ANKRD55: variants seen among roughly 807,000 people sequenced by gnomAD.
ANKRD55 encodes the protein ankyrin repeat domain-containing protein 55.
A neutral mutation model predicts 60.6 loss-of-function variants in ANKRD55; 41 were observed. That is an observed-to-expected ratio of 0.68 (90% CI 0.53 to 0.88). The LOEUF is 0.88. Among genes scored for constraint, ANKRD55 ranks in the 40% least tolerant of loss-of-function variants. The pLI, the probability that ANKRD55 is intolerant of heterozygous loss-of-function variation, is 0.00. For missense variants in ANKRD55, 732 were observed against 767.6 expected (o/e 0.95, Z 0.55); for synonymous variants, 264 against 290.3 (o/e 0.91, Z 0.92).
chr5:56,100,414 T>A, intron 11 of ANKRD55, 110 bp from the exon 12 acceptor site: 1 of 1,343,156 alleles, frequency 7.4e-7, no homozygotes, highest in Non-Finnish European at 1.0e-6. Flanking sequence ...AAGAAGTGTG[T>A]CTTGGTGAGA....
rs113294689 is a variant in ANKRD55 at position 56,100,405 on chromosome 5, A to C, written c.1724-101T>G. ...TGTTTTAGGAGTCGAGGCATTTCTA[A>C]GAAGTGTGTCTTGGTGAGAGCTAGA... On this transcript the variant is annotated intron_variant, in intron 11 of 11. Transcript: ENST00000341048. 17 of 1,440,658 alleles carry C rather than the reference A, an allele frequency of 1.2e-5. No individual in the cohort carries two copies. In the African/African-American group the frequency reaches 1.4e-4, roughly 12 times the overall value. The allele number at this position is 1,440,658 out of a possible 1,614,324, so 89.2% of individuals were successfully genotyped here.
At chr5:56,161,971 C>A (rs2111797039) in intron 5 of ANKRD55, 2 of 985,384 alleles carry the variant, frequency 2.0e-6, no homozygotes, top group South Asian at 4.7e-5. Context: ...TGAGTGGGGG[C>A]AGGGCTTACC....
At chr5:56,168,711 C>G (rs1487890378) in intron 5 of ANKRD55, among the ~76,000 whole-genome samples, 2 of 152,162 alleles carry the variant, frequency 1.3e-5, no homozygotes, top group Non-Finnish European at 2.9e-5. Context: ...CTGTTCTCCT[C>G]TTTCCCCATC....
intron 2 of ANKRD55, among the ~76,000 whole-genome samples, chr5:56,198,297 C>T (rs774828200): frequency 4.8e-5 from 7 of 144,388 alleles, no homozygotes; most frequent in Non-Finnish European, 1.0e-4. Flanking sequence ...ATTATTATTA[C>T]TGTTTTTTTT....
At chr5:56,223,572 A>G (rs983345621) in intron 2 of ANKRD55, among the ~76,000 whole-genome samples, 1 of 152,258 alleles carries the variant, frequency 6.6e-6, no homozygotes, top group African/African-American at 2.4e-5. Flanking sequence ...TTGGATAAAG[A>G]GTCAAGACCC....
intron 1 of ANKRD55, 45 bp downstream of exon 1, chr5:56,233,196 T>G (rs1760298988): frequency 2.6e-6 from 1 of 381,898 alleles, no homozygotes; most frequent in East Asian, 4.5e-5. Context: ...ATAAACACAA[T>G]TACTCAAACT....
At chr5:56,107,181 C>G (rs532439483) in intron 10 of ANKRD55, among the ~76,000 whole-genome samples, 19 of 152,268 alleles carry the variant, frequency 1.2e-4, no homozygotes, top group African/African-American at 3.6e-4. Flanking sequence ...GTTGCAGAAG[C>G]ATTTTAGTAA....
chr5:56,171,349 C>T (rs1046957379), intron 4 of ANKRD55, among the ~76,000 whole-genome samples: 3 of 152,158 alleles, frequency 2.0e-5, no homozygotes, highest in Non-Finnish European at 4.4e-5. Flanking sequence ...ATGTTTTATC[C>T]ACCTGTAAAG....
chr5:56,193,123 T>A (rs1759141374), intron 2 of ANKRD55: 1 of 682,860 alleles, frequency 1.5e-6, no homozygotes, highest in Non-Finnish European at 2.4e-6. Context: ...AAGAACACAT[T>A]TATTTTAGGA....
At chr5:56,116,811 G>A (rs1335196543) in intron 8 of ANKRD55, 29 bp from the exon 9 acceptor site, 2 of 1,559,830 alleles carry the variant, frequency 1.3e-6, no homozygotes, top group African/African-American at 1.4e-5. Context: ...AAAAGCACAA[G>A]CGTCTGAGCA....
intron 2 of ANKRD55, among the ~76,000 whole-genome samples, chr5:56,211,584 T>C (rs1253865812): frequency 6.6e-6 from 1 of 152,174 alleles, no homozygotes; most frequent in Non-Finnish European, 1.5e-5. Context: ...CTGTGCACTG[T>C]GGTCTGGAAG....
Position 56,142,767 on chromosome 5 carries a change from G to C in ANKRD55, c.612+1034C>G, listed in dbSNP as rs1039644503. On this transcript the variant is annotated intron_variant, in intron 7 of 11. Coordinates refer to ENST00000341048, the MANE Select transcript of ANKRD55 (RefSeq NM_024669.3). ...GGAGTCCTGGGCAGAGACTGGCAGC[G>C]ATGGTGGCAGGGCAGGTGATTAGAT... is the stretch of plus-strand genomic sequence containing the variant. 3.9e-5 allele frequency among the ~76,000 whole-genome samples: 6 copies of C among 152,342 alleles called. No homozygotes were observed. The South Asian group carries it at 1.0e-3, about 26-fold the overall frequency.
chr5:56,112,313 C>T (rs1257873208), intron 9 of ANKRD55, among the ~76,000 whole-genome samples: 2 of 151,736 alleles, frequency 1.3e-5, no homozygotes, highest in Non-Finnish European at 2.9e-5. Context: ...ACATTATCCC[C>T]CTCAGAGACC....
chr5:56,161,089 A>G (rs1758318352), intron 5 of ANKRD55, among the ~76,000 whole-genome samples: 2 of 152,158 alleles, frequency 1.3e-5, no homozygotes, highest in South Asian at 4.1e-4. Flanking sequence ...TTATTTCTAG[A>G]GTGCTTAACC....
chr5:56,114,269 G>A (rs748157341), intron 9 of ANKRD55: 14 of 159,366 alleles, frequency 8.8e-5, no homozygotes, highest in South Asian at 3.4e-4. Flanking sequence ...CAGAGGTTTC[G>A]GTGAGCCGAG....
Position 56,106,420 on chromosome 5 carries a change from C to CTTTTTTTTTTTTTTTTTTTTTTTT in ANKRD55, c.1631-3835_1631-3834insAAAAAAAAAAAAAAAAAAAAAAAA, listed in dbSNP as rs71602938. Among the ~76,000 whole-genome samples, 49 of 96,918 alleles carry CTTTTTTTTTTTTTTTTTTTTTTTT rather than the reference C, an allele frequency of 5.1e-4. 5 individuals are homozygous for CTTTTTTTTTTTTTTTTTTTTTTTT. The highest frequency in any genetic ancestry group is 2.1e-3 in the African/African-American group (36 of 17,138). 63.6% of individuals were successfully genotyped at this position (96,918 alleles called of 152,430 possible). On this transcript the variant is annotated intron_variant, in intron 10 of 11. Transcript: ENST00000341048. ...AATAAAATCCGTAAGGCTAGGAAAG[C>CTTTTTTTTTTTTTTTTTTTTTTTT]TTTTTTTTTTTTTTTTTTTTTTTGA... is the stretch of plus-strand genomic sequence containing the variant.
chr5:56,218,979 T>C (rs1298026055), intron 2 of ANKRD55, among the ~76,000 whole-genome samples: 1 of 152,088 alleles, frequency 6.6e-6, no homozygotes, highest in Non-Finnish European at 1.5e-5. Flanking sequence ...GAAATTATTT[T>C]TGAAAAATTT....
At chr5:56,142,018 G>A (rs1044998717) in intron 7 of ANKRD55, among the ~76,000 whole-genome samples, 5 of 152,246 alleles carry the variant, frequency 3.3e-5, no homozygotes, top group Middle Eastern at 6.8e-3. Context: ...TTGCCAAAGT[G>A]CCTCTTAAAG....
At chr5:56,196,061 T>C (rs545185023) in intron 2 of ANKRD55, among the ~76,000 whole-genome samples, 119 of 152,334 alleles carry the variant, frequency 7.8e-4, no homozygotes, top group Non-Finnish European at 1.3e-3. Context: ...AATGTTGTCA[T>C]GAATCCTGGG....
Sources: allele counts gnomAD v4.1 joint callset (sites outside exome capture counted in the v4.1 genomes callset), GRCh38; gene constraint gnomAD v4.1.1; transcripts MANE v1.5; gene names NCBI Gene and HGNC (gene_info 2026-07-23, HGNC 2026-07-21).